The following PLEKHA5 variants were observed in gnomAD, a reference collection of about 807,000 sequenced individuals.
PLEKHA5 encodes pleckstrin homology domain-containing family A member 5.
PLEKHA5 carries 55 observed loss-of-function variants against 181.9 expected under a neutral mutation model. That is an observed-to-expected ratio of 0.30 (90% CI 0.24 to 0.38). PLEKHA5 has a LOEUF of 0.38. Among genes scored for constraint, PLEKHA5 ranks in the 10% least tolerant of loss-of-function variants. PLEKHA5 has a pLI of 1.00. For synonymous variants in PLEKHA5, 535 were observed against 529.4 expected (o/e 1.01, Z -0.15); for missense variants, 1,432 against 1,549.5 (o/e 0.92, Z 1.27).
chr12:19,340,436 C>CTGGGAAGTGAGGAGCCCCTCTG (rs1415631352), intron 21 of PLEKHA5, among the ~76,000 whole-genome samples: 2 of 129,518 alleles, frequency 1.5e-5, no homozygotes, highest in African/African-American at 5.1e-5. Context: ...CCGGCCACCA[C>CTGGGAAGTGAGGAGCCCCTCTG]CCCGTCTGGG....
intron 7 of PLEKHA5, among the ~76,000 whole-genome samples, chr12:19,265,277 T>C (rs984339582): frequency 1.3e-5 from 2 of 152,178 alleles, no homozygotes; most frequent in South Asian, 2.1e-4. Context: ...CTAAAACATA[T>C]AGTTTGCCGG....
intron 3 of PLEKHA5, among the ~76,000 whole-genome samples, chr12:19,185,774 G>A (rs1201043229): frequency 6.6e-6 from 1 of 152,112 alleles, no homozygotes; most frequent in Non-Finnish European, 1.5e-5. Context: ...CATATCTGTA[G>A]GGGCCCAATG....
chr12:19,288,077 CAA>C (rs9300127), intron 13 of PLEKHA5: 5,191 of 182,848 alleles, frequency 0.028, no homozygotes, highest in South Asian at 0.04. Flanking sequence ...GACTCTGTCT[CAA>C]AAAAAAAAAA....
At chr12:19,308,407 C>G (rs2084945039) in intron 15 of PLEKHA5, among the ~76,000 whole-genome samples, 1 of 152,086 alleles carries the variant, frequency 6.6e-6, no homozygotes, top group African/African-American at 2.4e-5. Context: ...CATCAAAAAG[C>G]TTTTAGAAAA....
At chr12:19,339,071 A>G (rs1163754867) in intron 21 of PLEKHA5, among the ~76,000 whole-genome samples, 1 of 148,170 alleles carries the variant, frequency 6.7e-6, no homozygotes, top group Non-Finnish European at 1.5e-5. Flanking sequence ...ACAGAGTTTC[A>G]CTCTTGTTGC....
At chr12:19,335,438 C>T (rs1324983644) in intron 20 of PLEKHA5, among the ~76,000 whole-genome samples, 8 of 145,608 alleles carry the variant, frequency 5.5e-5, no homozygotes, top group African/African-American at 1.3e-4. Flanking sequence ...TTTTTTGAGT[C>T]GGAGTCTCGC....
chr12:19,289,172 G>A (rs1169876823), intron 13 of PLEKHA5, among the ~76,000 whole-genome samples: 2 of 152,054 alleles, frequency 1.3e-5, no homozygotes, highest in Admixed American at 6.5e-5. Context: ...CTCTTACATG[G>A]TTTATTTAAA....
intron 20 of PLEKHA5, among the ~76,000 whole-genome samples, chr12:19,332,803 A>G (rs566361573): frequency 6.6e-6 from 1 of 152,140 alleles, no homozygotes; most frequent in South Asian, 2.1e-4. Flanking sequence ...GGGACTACAG[A>G]CATGCGCCAC....
At chr12:19,348,309 G>A in intron 24 of PLEKHA5, 90 bp from the exon 25 acceptor site, 6 of 951,316 alleles carry the variant, frequency 6.3e-6, no homozygotes, top group South Asian at 3.2e-5. Flanking sequence ...GGCTACTAAT[G>A]TTTAGAGTTT....
intron 20 of PLEKHA5, among the ~76,000 whole-genome samples, chr12:19,325,136 A>G (rs919365793): frequency 7.9e-5 from 12 of 152,358 alleles, no homozygotes; most frequent in East Asian, 3.9e-4. Context: ...TCACGCCTGT[A>G]ATCTCAGTAC....
chr12:19,265,786 T>TA lies in PLEKHA5; in HGVS notation c.648dup (p.Pro217ThrfsTer2). 6.3e-7 allele frequency: 1 copy of TA among 1,598,162 alleles called. No homozygotes were observed. Among genetic ancestry groups the TA allele is most frequent in the Non-Finnish European group, 8.6e-7 (1 of 1,166,476 alleles). ...GAGGGTATCCTGGGAAGCATACTGTTACCTAGTTTTCAGATAGCTTTGCTT... is the reference window on the plus strand; with the variant it reads ...GAGGGTATCCTGGGAAGCATACTGTTAACCTAGTTTTCAGATAGCTTTGCTT... On this transcript the variant is annotated frameshift_variant, in exon 8 of 32. Transcript: ENST00000429027. LOFTEE classifies it high-confidence loss of function.
intron 12 of PLEKHA5, among the ~76,000 whole-genome samples, chr12:19,286,635 CAA>C (rs1442631122): frequency 6.6e-6 from 1 of 152,042 alleles, no homozygotes; most frequent in Non-Finnish European, 1.5e-5. Flanking sequence ...ATCCTGAGGT[CAA>C]AGAGTTTTTG....
At chr12:19,343,531 T>G (rs2094097237) in intron 22 of PLEKHA5, 97 bp downstream of exon 22, 1 of 740,808 alleles carries the variant, frequency 1.3e-6, no homozygotes, top group African/African-American at 1.7e-5. Flanking sequence ...CATTGTTAGG[T>G]GATTGTGTTG....
At chr12:19,315,647 C>T (rs955951674) in intron 16 of PLEKHA5, among the ~76,000 whole-genome samples, 1 of 151,952 alleles carries the variant, frequency 6.6e-6, no homozygotes, top group African/African-American at 2.4e-5. Context: ...ACTTCAACAC[C>T]CTCAAATTAC....
At chr12:19,184,626 C>T (rs933099524) in intron 3 of PLEKHA5, among the ~76,000 whole-genome samples, 16 of 152,126 alleles carry the variant, frequency 1.1e-4, no homozygotes, top group African/African-American at 3.6e-4. Context: ...ATGATCAGAT[C>T]ATTTCACAGA....
intron 10 of PLEKHA5, 35 bp downstream of exon 10, chr12:19,270,240 ACAGATTTT>A (rs775737028): frequency 8.3e-7 from 1 of 1,208,130 alleles, no homozygotes; most frequent in South Asian, 1.5e-5. Flanking sequence ...TTAAAGCTAC[ACAGATTTT>A]TATCCTTTGA....
intron 3 of PLEKHA5, among the ~76,000 whole-genome samples, chr12:19,236,441 C>G (rs990839896): frequency 1.3e-5 from 2 of 151,814 alleles, no homozygotes; most frequent in African/African-American, 4.8e-5. Flanking sequence ...AGTAAGTGAT[C>G]AATAAAACTG....
At chr12:19,288,192 C>T in intron 13 of PLEKHA5, 1 of 216,268 alleles carries the variant, frequency 4.6e-6, no homozygotes, top group Non-Finnish European at 9.7e-6. Flanking sequence ...ACAAATCCAG[C>T]AAGCAGTTAT....
intron 3 of PLEKHA5, chr12:19,152,073 A>C (rs1198998919): frequency 2.0e-5 from 3 of 151,802 alleles, no homozygotes; most frequent in Non-Finnish European, 4.4e-5. Flanking sequence ...TCAGCATGTT[A>C]GCCAGGATGG....
Sources: allele counts gnomAD v4.1 joint callset (sites outside exome capture counted in the v4.1 genomes callset), GRCh38; gene constraint gnomAD v4.1.1; transcripts MANE v1.5; gene names NCBI Gene and HGNC (gene_info 2026-07-23, HGNC 2026-07-21).